TERF1: variants seen among roughly 807,000 people sequenced by gnomAD.
TERF1 encodes the protein telomeric repeat-binding factor 1.
Under a neutral mutation model 55.1 loss-of-function variants are expected in TERF1, and 20 were observed. The observed-to-expected ratio is 0.36, with a 90% CI of 0.26 to 0.53. The LOEUF is 0.53. Ranked by LOEUF, TERF1 falls within the 20% of genes least tolerant of loss-of-function variation. The pLI, the probability that TERF1 is intolerant of heterozygous loss-of-function variation, is 0.91. For missense variants in TERF1, 439 were observed against 535.7 expected (o/e 0.82, Z 1.78); for synonymous variants, 168 against 181.2 (o/e 0.93, Z 0.59).
intron 2 of TERF1, among the ~76,000 whole-genome samples, chr8:73,018,429 A>C (rs888999497): frequency 6.6e-6 from 1 of 152,176 alleles, no homozygotes; most frequent in Non-Finnish European, 1.5e-5. Context: ...TAATCCCAGC[A>C]CTTTGGGAGG....
At chr8:73,021,593 C>T (rs1264931878) in intron 3 of TERF1, among the ~76,000 whole-genome samples, 1 of 152,150 alleles carries the variant, frequency 6.6e-6, no homozygotes, top group Non-Finnish European at 1.5e-5. Flanking sequence ...CTTACATCCT[C>T]ATAACAATCC....
chr8:73,024,216 G>A (rs12334686), intron 4 of TERF1, among the ~76,000 whole-genome samples: 37,486 of 152,116 alleles, frequency 0.25, 5,563 homozygotes, highest in Non-Finnish European at 0.33. Flanking sequence ...AAGAATGGAT[G>A]AATAAGTGAT....
At position 73,032,113 on chromosome 8, in the gene TERF1, G is replaced by GA; in HGVS notation, c.1021dup (p.Arg341LysfsTer19). On this transcript the variant is annotated frameshift_variant, in exon 8 of 10. Coordinates refer to ENST00000276603, the MANE Select transcript of TERF1 (RefSeq NM_017489.3). LOFTEE classifies it high-confidence loss of function. ...CAACAAGACCTTAATAAGAAAGAAA[G>GA]AAGAGTAGGAACTCCTCAAAGTGAG... The GA allele has an allele frequency of 6.2e-7, 1 of 1,611,146 alleles. No homozygotes were observed. The highest frequency in any genetic ancestry group is 8.5e-7 in the Non-Finnish European group (1 of 1,178,890).
At chr8:73,014,956 A>T (rs1251112524) in intron 2 of TERF1, among the ~76,000 whole-genome samples, 3 of 152,238 alleles carry the variant, frequency 2.0e-5, no homozygotes, top group African/African-American at 7.2e-5. Flanking sequence ...GCTGGAGCAG[A>T]ATTCCAGACC....
chr8:73,026,987 T>C lies in TERF1; in HGVS notation c.822T>C (p.Ser274=). 1 of 1,612,448 alleles carries C rather than the reference T, an allele frequency of 6.2e-7. No individual in the cohort carries two copies. Among genetic ancestry groups the C allele is most frequent in the East Asian group, 2.2e-5 (1 of 44,836 alleles). The change falls in exon 6 of 10, where the codon TCT becomes TCC. Residue 274 remains serine (S), a synonymous_variant. Transcript: ENST00000276603. ...GCAAAAGGACAAGAACAATAACTTC[T>C]CAAGATAAACCTAGTGGTAATGATG... ...VESKRTRTIT[S]QDKPSGNDVE...
rs185033357 is a variant in TERF1 at position 73,016,842 on chromosome 8, T to G, written c.415+2852T>G. On this transcript the variant is annotated intron_variant, in intron 2 of 9. Coordinates refer to ENST00000276603, the MANE Select transcript of TERF1 (RefSeq NM_017489.3). Reference sequence around the variant, plus strand: ...CCAAGGAAACCACCAGAAGCTGTTCTTATTTGTCTTTCTCCAGTAAAGTCT... The same window carrying G: ...CCAAGGAAACCACCAGAAGCTGTTCGTATTTGTCTTTCTCCAGTAAAGTCT... Among the ~76,000 whole-genome samples the G allele has an allele frequency of 1.9e-3, 292 of 152,312 alleles. 1 individual carries two copies. Among genetic ancestry groups the G allele is most frequent in the African/African-American group, 6.7e-3 (280 of 41,580 alleles).
intron 2 of TERF1, among the ~76,000 whole-genome samples, chr8:73,019,800 A>G (rs1303878906): frequency 6.6e-6 from 1 of 152,144 alleles, no homozygotes; most frequent in Non-Finnish European, 1.5e-5. Flanking sequence ...TCTGCTTCAC[A>G]TTACGCTGTT....
At chr8:73,016,754 T>C (rs1808525922) in intron 2 of TERF1, among the ~76,000 whole-genome samples, 1 of 152,118 alleles carries the variant, frequency 6.6e-6, no homozygotes, top group Admixed American at 6.5e-5. Flanking sequence ...ACTCAGCACA[T>C]GTCCTGTGGA....
chr8:73,025,087 G>A (rs1312253735), intron 5 of TERF1, 116 bp downstream of exon 5: 2 of 622,202 alleles, frequency 3.2e-6, no homozygotes, highest in Admixed American at 3.7e-5. Flanking sequence ...TTGTGGTTTT[G>A]TAGAAAGGTG....
chr8:73,022,028 T>C (rs1808780280), intron 3 of TERF1, among the ~76,000 whole-genome samples, 188 bp from the exon 4 acceptor site: 1 of 152,234 alleles, frequency 6.6e-6, no homozygotes. Context: ...AAATTTTTCA[T>C]GTCATTTCAA....
intron 2 of TERF1, among the ~76,000 whole-genome samples, chr8:73,019,909 T>G (rs1808677780): frequency 6.6e-6 from 1 of 152,336 alleles, no homozygotes; most frequent in South Asian, 2.1e-4. Flanking sequence ...TTTTTCTTTC[T>G]TCTAGCCCTT....
At chr8:73,043,215 A>G (rs1809902575) in intron 9 of TERF1, 1 of 152,232 alleles carries the variant, frequency 6.6e-6, no homozygotes, top group Non-Finnish European at 1.5e-5. Flanking sequence ...ACGATAGCTT[A>G]TTCTGTATGA....
At chr8:73,040,669 C>T (rs1274769577) in intron 9 of TERF1, among the ~76,000 whole-genome samples, 5 of 152,128 alleles carry the variant, frequency 3.3e-5, no homozygotes, top group Admixed American at 2.0e-4. Context: ...AATGCTCAGC[C>T]ATTATTACTT....
At chr8:73,018,238 A>G (rs570388144) in intron 2 of TERF1, among the ~76,000 whole-genome samples, 1 of 152,356 alleles carries the variant, frequency 6.6e-6, no homozygotes, top group East Asian at 1.9e-4. Flanking sequence ...TAGTATGTGA[A>G]TGAATATATT....
chr8:73,011,950 A>G (rs929015049), intron 1 of TERF1: 3 of 152,178 alleles, frequency 2.0e-5, no homozygotes, highest in African/African-American at 4.8e-5. Flanking sequence ...TGTATTAACA[A>G]CTTGGCTGTT....
At position 73,044,165 on chromosome 8, in the gene TERF1, G is replaced by A. The variant is rs149301188; in HGVS notation, c.1144-1796G>A. ...GTGAGGTTTTGTAGGAGTGAAGGCCGAGTCAGGCAGTAATAGATGGTCATA... is the reference window on the plus strand; with the variant it reads ...GTGAGGTTTTGTAGGAGTGAAGGCCAAGTCAGGCAGTAATAGATGGTCATA... On this transcript the variant is annotated intron_variant, in intron 9 of 9. Transcript: ENST00000276603. Among the ~76,000 whole-genome samples the A allele has an allele frequency of 3.9e-3, 587 of 152,250 alleles. 10 individuals are homozygous for A. The highest frequency in any genetic ancestry group is 0.013 in the African/African-American group (541 of 41,544).
chr8:73,040,623 G>A (rs1443761831), intron 9 of TERF1, among the ~76,000 whole-genome samples: 1 of 152,104 alleles, frequency 6.6e-6, no homozygotes, highest in East Asian at 1.9e-4. Context: ...TGAGCTTCCT[G>A]AATCTGTAGT....
intron 9 of TERF1, among the ~76,000 whole-genome samples, chr8:73,039,993 G>A (rs1178377015): frequency 2.9e-5 from 4 of 136,600 alleles, no homozygotes; most frequent in Non-Finnish European, 1.5e-5. Context: ...TTTCTTACTC[G>A]AAGGTGCCTT....
chr8:73,009,302 G>GGTCGGGAGAGAA, intron 1 of TERF1, 97 bp downstream of exon 1: 1 of 1,226,738 alleles, frequency 8.2e-7, no homozygotes, highest in Non-Finnish European at 1.1e-6. Context: ...CGCCGAGGGA[G>GGTCGGGAGAGAA]GGGCTGCTGC....
Sources: allele counts gnomAD v4.1 joint callset (sites outside exome capture counted in the v4.1 genomes callset), GRCh38; gene constraint gnomAD v4.1.1; transcripts MANE v1.5; gene names NCBI Gene and HGNC (gene_info 2026-07-23, HGNC 2026-07-21).